STRIP1: variants seen among roughly 807,000 people sequenced by gnomAD.
The protein encoded by STRIP1 is striatin interacting protein 1.
A neutral mutation model predicts 106.2 loss-of-function variants in STRIP1; 63 were observed. That is an observed-to-expected ratio of 0.59 (90% CI 0.48 to 0.73). The LOEUF (loss-of-function observed/expected upper bound fraction) is 0.73, where lower values mean the gene tolerates loss of function less well. Among genes scored for constraint, STRIP1 ranks in the 30% least tolerant of loss-of-function variants. The pLI is 0.00. For missense variants in STRIP1, 857 were observed against 1,074.8 expected, an observed-to-expected ratio of 0.80 and a Z score of 2.83; for synonymous variants, 390 against 413.0, an observed-to-expected ratio of 0.94 and a Z score of 0.67.
At position 110,053,679 on chromosome 1, in the gene STRIP1, C is replaced by T. The variant is rs1251085256; in HGVS notation, c.2281C>T (p.Pro761Ser). 1 of 1,614,108 alleles carries T rather than the reference C, an allele frequency of 6.2e-7. No homozygotes were observed. The highest frequency in any genetic ancestry group is 1.1e-5 in the South Asian group (1 of 91,080). ...WAYGNDLDARPWDFQAEECAL... is the reference protein window; with the variant it reads ...WAYGNDLDARSWDFQAEECAL... Reference sequence around the variant, plus strand: ...CTTTGTCTCAGATCTTGATGCCCGGCCTTGGGACTTCCAGGCAGAGGAGTG... The same window carrying T: ...CTTTGTCTCAGATCTTGATGCCCGGTCTTGGGACTTCCAGGCAGAGGAGTG... Residue 761 changes from proline (P) to serine (S), a missense_variant, in exon 21 of 21, where the codon CCT (proline) becomes TCT (serine). Coordinates refer to ENST00000369795, the MANE Select transcript of STRIP1 (RefSeq NM_033088.4).
At chr1:110,053,224 G>A (rs534602918) in intron 20 of STRIP1, among the ~76,000 whole-genome samples, 18 of 152,298 alleles carry the variant, frequency 1.2e-4, no homozygotes, top group Non-Finnish European at 2.6e-4. Context: ...GCGTTGTTGC[G>A]TTTCTGGAAT....
rs753807794 is a variant in STRIP1, at chr1:110,037,852, A to G, written c.181-39A>G. 5 of 1,407,530 alleles carry G rather than the reference A, an allele frequency of 3.6e-6. No homozygotes were observed. In the South Asian group the frequency reaches 5.7e-5, roughly 16 times the overall value. The allele number at this position is 1,407,530 out of a possible 1,614,324, so 87.2% of individuals were successfully genotyped here. A position where few individuals can be genotyped will look rare whatever the true frequency, so the allele number is the denominator to read the frequency against. On this transcript the variant is annotated intron_variant, in intron 1 of 20. Coordinates refer to ENST00000369795, the MANE Select transcript of STRIP1 (RefSeq NM_033088.4). Reference sequence around the variant, plus strand: ...AGCATGAGTTTCTTTGATAAATAGAATGATCCTTTTTCCTAAAGCTCTCTC... The same window carrying G: ...AGCATGAGTTTCTTTGATAAATAGAGTGATCCTTTTTCCTAAAGCTCTCTC...
Position 110,053,771 on chromosome 1 carries a change from C to T in STRIP1, c.2373C>T (p.Asp791=). 6.2e-7 allele frequency: 1 copy of T among 1,614,168 alleles called. No homozygotes were observed. Among genetic ancestry groups the T allele is most frequent in the Non-Finnish European group, 8.5e-7 (1 of 1,180,042 alleles). The change falls in exon 21 of 21, where the codon GAC becomes GAT. Residue 791 remains aspartate, a synonymous_variant. Coordinates refer to ENST00000369795, the MANE Select transcript of STRIP1 (RefSeq NM_033088.4). ...RRYDRAHSNP[D]FLPVDNCLQS... The stretch of plus-strand genomic sequence containing the variant: ...ATGACCGGGCCCACAGCAACCCTGA[C>T]TTCCTGCCAGTGGACAACTGCCTGC...
chr1:110,050,549 T>A, intron 18 of STRIP1, 140 bp downstream of exon 18: 1 of 800,506 alleles, frequency 1.2e-6, no homozygotes, highest in Non-Finnish European at 2.1e-6. Flanking sequence ...TAAAGCACTG[T>A]AAGTGTACAG....
In STRIP1 at chr1:110,049,251, C is replaced by CT. The variant is rs774852406; in HGVS notation, c.1788+16dup. On this transcript the variant is annotated intron_variant, in intron 16 of 20. Transcript: ENST00000369795. ...CCATGTCTACCAGGTACCCACAGGG[C>CT]TTTCCCTCCTGTCCTGTGGGCTGGG... The CT allele has an allele frequency of 9.3e-6, 15 of 1,614,062 alleles. No homozygotes were observed. Among genetic ancestry groups the CT allele is most frequent in the Admixed American group, 1.7e-5 (1 of 60,032 alleles).
chr1:110,049,065 G>T (rs41281356), intron 15 of STRIP1, 47 bp from the exon 16 acceptor site: 16,372 of 1,611,298 alleles, frequency 0.01, 106 homozygotes, highest in Middle Eastern at 0.021. Flanking sequence ...ACCTAGAAAT[G>T]AGGTACTGCG....
intron 1 of STRIP1, among the ~76,000 whole-genome samples, chr1:110,036,058 G>A (rs1400253351): frequency 1.3e-5 from 2 of 152,210 alleles, no homozygotes; most frequent in Non-Finnish European, 1.5e-5. Context: ...ATCATGAGAG[G>A]AGTTATCATT....
rs760926719 is a variant in STRIP1, at chr1:110,045,000, T to G, written c.1353-15T>G. 9 of 1,614,062 alleles carry G rather than the reference T, an allele frequency of 5.6e-6. No individual in the cohort carries two copies. Among genetic ancestry groups the G allele is most frequent in the Non-Finnish European group, 6.8e-6 (8 of 1,180,000 alleles). On this transcript the variant is annotated splice_polypyrimidine_tract_variant and intron_variant, in intron 11 of 20. Coordinates refer to ENST00000369795, the MANE Select transcript of STRIP1 (RefSeq NM_033088.4). ...TGATGTCGAGGCTCAACACAGGGCC[T>G]TCTTTATTCTCCAGTGACACGAACA...
intron 5 of STRIP1, among the ~76,000 whole-genome samples, chr1:110,040,434 G>A (rs765256266): frequency 1.2e-4 from 18 of 152,156 alleles, no homozygotes; most frequent in African/African-American, 3.6e-4. Flanking sequence ...CACCCGCCTC[G>A]GCCTCCCGAA....
intron 1 of STRIP1, 36 bp downstream of exon 1, chr1:110,034,853 C>T: frequency 2.2e-6 from 3 of 1,374,160 alleles, no homozygotes; most frequent in Non-Finnish European, 2.8e-6. Context: ...CGCACCGGGT[C>T]GGGCGGCGCC....
At chr1:110,043,433 G>A (rs1652870922) in intron 9 of STRIP1, among the ~76,000 whole-genome samples, 163 bp downstream of exon 9, 1 of 152,240 alleles carries the variant, frequency 6.6e-6, no homozygotes, top group Non-Finnish European at 1.5e-5. Context: ...CTGGTCCAGT[G>A]TATGGTGAGT....
At chr1:110,049,834 A>ATT in intron 17 of STRIP1, 1 of 339,024 alleles carries the variant, frequency 2.9e-6, no homozygotes, top group Non-Finnish European at 5.3e-6. Context: ...TCCCTTCTGT[A>ATT]CTTTTTTTTT....
chr1:110,037,087 G>A (rs111767466), intron 1 of STRIP1, among the ~76,000 whole-genome samples: 4 of 152,070 alleles, frequency 2.6e-5, no homozygotes, highest in Non-Finnish European at 5.9e-5. Context: ...CGCCCACCTC[G>A]GCCTCCCAAA....
intron 17 of STRIP1, 51 bp downstream of exon 17, chr1:110,049,611 T>A: frequency 7.5e-7 from 1 of 1,328,630 alleles, no homozygotes; most frequent in Non-Finnish European, 1.1e-6. Context: ...GACGGCAGAG[T>A]TCCCAGCTGG....
At chr1:110,037,732 A>G (rs1012819157) in intron 1 of STRIP1, among the ~76,000 whole-genome samples, 159 bp from the exon 2 acceptor site, 25 of 152,236 alleles carry the variant, frequency 1.6e-4, no homozygotes, top group Admixed American at 5.2e-4. Context: ...TCTGAAGGAA[A>G]AGTATAGGAT....
rs1307867691 is a variant in STRIP1, at chr1:110,041,582, G to T, written c.697G>T (p.Glu233Ter). ...MYLIVETVHQ[E>*]CEGDKAEWRT... The stretch of plus-strand genomic sequence containing the variant: ...CCTGATAGTGGAGACCGTTCATCAG[G>T]AGTGTGAGGGTGACAAGGCTGAGTG... The change falls in exon 7 of 21, where the codon GAG (glutamate) becomes TAG (stop). Residue 233 changes from glutamate (E) to a stop codon, truncating the protein, a stop_gained. Transcript: ENST00000369795. LOFTEE classifies it high-confidence loss of function. 1 of 1,614,008 alleles carries T rather than the reference G, an allele frequency of 6.2e-7. No homozygotes were observed. The highest frequency in any genetic ancestry group is 1.3e-5 in the African/African-American group (1 of 74,906).
At position 110,040,655 on chromosome 1, in the gene STRIP1, G is replaced by T. The variant is rs1570916926; in HGVS notation, c.602G>T (p.Ser201Ile). Reference protein sequence around the residue: ...MEIDNSAACSSAVRKPAISLA... With the variant: ...MEIDNSAACSIAVRKPAISLA... ...TGCAGCAACAGTGCCGCCTGCAGCA[G>T]TGCTGTGAGGAAGCCTGCCATCTCC... The change falls in exon 6 of 21, where the codon AGT (serine) becomes ATT (isoleucine). Residue 201 changes from serine to isoleucine, a missense_variant. Transcript: ENST00000369795. The T allele has an allele frequency of 9.9e-6, 16 of 1,612,508 alleles. No homozygotes were observed. Among genetic ancestry groups the T allele is most frequent in the Admixed American group, 1.7e-5 (1 of 59,882 alleles).
chr1:110,035,758 G>A (rs1012229292), intron 1 of STRIP1, among the ~76,000 whole-genome samples: 1 of 152,144 alleles, frequency 6.6e-6, no homozygotes, highest in African/African-American at 2.4e-5. Context: ...AGTTGTCCAA[G>A]CATAATGTAC....
At chr1:110,038,001 C>T (rs1044295485) in intron 2 of STRIP1, 41 bp downstream of exon 2, 7 of 1,302,372 alleles carry the variant, frequency 5.4e-6, no homozygotes, top group South Asian at 1.3e-5. Context: ...GTGGTTTTTT[C>T]CTTATTGGTC....
Sources: allele counts gnomAD v4.1 joint callset (sites outside exome capture counted in the v4.1 genomes callset), GRCh38; gene constraint gnomAD v4.1.1; transcripts MANE v1.5; gene names NCBI Gene and HGNC (gene_info 2026-07-23, HGNC 2026-07-21).